The following BRAP variants were observed in gnomAD, a reference collection of about 807,000 sequenced individuals.
BRAP encodes BRCA1-associated protein.
BRAP carries 42 observed loss-of-function variants against 73.4 expected under a neutral mutation model. That is an observed-to-expected ratio of 0.57 (90% CI 0.45 to 0.74). The LOEUF (loss-of-function observed/expected upper bound fraction) is 0.74. Among genes scored for constraint, BRAP ranks in the 30% least tolerant of loss-of-function variants. BRAP has a pLI of 0.00. For missense variants in BRAP, 593 were observed against 751.4 expected (o/e 0.79, Z 2.46); for synonymous variants, 255 against 267.4 (o/e 0.95, Z 0.45).
rs932302131 is a variant in BRAP at position 111,665,877 on chromosome 12, C to G, written c.748-90G>C. ...TTTTTCTGAGACAGGGTCTCGCTCT[C>G]TGTCACCCACGCTGGAGCCCAGTGG... On this transcript the variant is annotated intron_variant, in intron 5 of 11. Coordinates refer to ENST00000419234, the MANE Select transcript of BRAP (RefSeq NM_006768.5). The surrounding 1 kb of genome is among the most constrained non-coding windows in gnomAD (Gnocchi z 4.3). 36 of 1,527,890 alleles carry G rather than the reference C, an allele frequency of 2.4e-5. No homozygotes were observed. The highest frequency in any genetic ancestry group is 3.0e-5 in the Non-Finnish European group (34 of 1,122,716). The allele number at this position is 1,527,890 out of a possible 1,614,324, so 94.6% of individuals were successfully genotyped here. A position where few individuals can be genotyped will look rare whatever the true frequency, so the allele number is the denominator to read the frequency against.
At chr12:111,664,876 T>C (rs373812755) in intron 6 of BRAP, among the ~76,000 whole-genome samples, 2 of 152,206 alleles carry the variant, frequency 1.3e-5, no homozygotes, top group African/African-American at 4.8e-5. Flanking sequence ...TCTCAGGTGG[T>C]CCTGGCTTCA....
chr12:111,646,454 G>A (rs1002908464), intron 11 of BRAP, among the ~76,000 whole-genome samples: 7 of 152,168 alleles, frequency 4.6e-5, no homozygotes, highest in Non-Finnish European at 7.4e-5. Context: ...AAACTCTTTC[G>A]AAGACAACTT....
At chr12:111,647,396 T>C (rs1886146996) in intron 11 of BRAP, among the ~76,000 whole-genome samples, 1 of 152,218 alleles carries the variant, frequency 6.6e-6, no homozygotes, top group African/African-American at 2.4e-5. Flanking sequence ...ACATATTTTA[T>C]CAAAAAGAAT....
chr12:111,645,727 A>C (rs1281785203), intron 11 of BRAP, among the ~76,000 whole-genome samples: 1 of 152,168 alleles, frequency 6.6e-6, no homozygotes, highest in Admixed American at 6.6e-5. Context: ...TTGGAATCCC[A>C]GCACTCTGGG....
At chr12:111,682,477 G>A (rs2135932089) in intron 2 of BRAP, among the ~76,000 whole-genome samples, 1 of 147,648 alleles carries the variant, frequency 6.8e-6, no homozygotes, top group Middle Eastern at 3.5e-3. Flanking sequence ...CTCCCACCTG[G>A]GGACAAAGTG....
chr12:111,667,698 C>CAAAAAA (rs565349424), intron 5 of BRAP, among the ~76,000 whole-genome samples: 11 of 21,284 alleles, frequency 5.2e-4, no homozygotes, highest in Non-Finnish European at 7.5e-4. Context: ...AACTCCGTCT[C>CAAAAAA]AAAAAAAAAA....
At position 111,644,470 on chromosome 12, in the gene BRAP, A is replaced by T; in HGVS notation, c.1508T>A (p.Leu503His). The T allele has an allele frequency of 6.2e-7, 1 of 1,614,078 alleles. No homozygotes were observed. The highest frequency in any genetic ancestry group is 2.2e-5 in the East Asian group (1 of 44,874). ...MNKCLRANQV[L>H]LQNKLKEEER... Reference sequence around the variant, plus strand: ...CTCCTCTTTTAGCTTGTTCTGCAGGAGGACTTGGTTGGCTCGCAAACACTT... The same window carrying T: ...CTCCTCTTTTAGCTTGTTCTGCAGGTGGACTTGGTTGGCTCGCAAACACTT... Residue 503 changes from leucine (L) to histidine (H), a missense_variant, in exon 12 of 12, where the codon CTC (leucine) becomes CAC (histidine). By Grantham distance (99) the Leu-to-His change is moderately conservative. Around this residue, in one of 4 missense-constraint regions of BRAP, gnomAD observed 143 missense variants for 190.4 expected, o/e 0.75. Coordinates refer to ENST00000419234, the MANE Select transcript of BRAP (RefSeq NM_006768.5).
chr12:111,644,343 C>A lies in BRAP; in HGVS notation c.1635G>T (p.Lys545Asn). 6.2e-7 allele frequency: 1 copy of A among 1,614,020 alleles called. No homozygotes were observed. Among genetic ancestry groups the A allele is most frequent in the Non-Finnish European group, 8.5e-7 (1 of 1,180,012 alleles). Residue 545 changes from lysine (K) to asparagine (N), a missense_variant, in exon 12 of 12, where the codon AAG becomes AAT. Physicochemically the swap from Lys to Asn is moderately conservative, Grantham distance 94. Coordinates refer to ENST00000419234, the MANE Select transcript of BRAP (RefSeq NM_006768.5). ...DVMFYLETQQ[K>N]INHLPAETRQ... Reference sequence around the variant, plus strand: ...GGGTCTCGGCAGGCAGATGGTTGATCTTCTGCTGTGTCTCCAGGTAGAACA... The same window carrying A: ...GGGTCTCGGCAGGCAGATGGTTGATATTCTGCTGTGTCTCCAGGTAGAACA...
At chr12:111,666,821 C>T (rs999988301) in intron 5 of BRAP, among the ~76,000 whole-genome samples, 2 of 152,170 alleles carry the variant, frequency 1.3e-5, no homozygotes, top group African/African-American at 4.8e-5. Flanking sequence ...TAGATACTTA[C>T]AGGAAATCTC....
At chr12:111,654,095 A>G (rs780083512) in intron 10 of BRAP, among the ~76,000 whole-genome samples, 6 of 152,160 alleles carry the variant, frequency 3.9e-5, no homozygotes, top group Non-Finnish European at 8.8e-5. Flanking sequence ...CTGCCAATGC[A>G]CTTCCCGTGA....
At chr12:111,680,530 C>T (rs1234251162) in intron 3 of BRAP, among the ~76,000 whole-genome samples, 1 of 114,562 alleles carries the variant, frequency 8.7e-6, no homozygotes, top group Non-Finnish European at 1.6e-5. Flanking sequence ...AACCCCATCT[C>T]TGCCAAAAAA....
At chr12:111,679,629 A>T (rs1339948429) in intron 3 of BRAP, among the ~76,000 whole-genome samples, 1 of 151,956 alleles carries the variant, frequency 6.6e-6, no homozygotes, top group Non-Finnish European at 1.5e-5. Flanking sequence ...TAATCCCAGC[A>T]CTTTGGCAGG....
intron 2 of BRAP, 47 bp from the exon 3 acceptor site, chr12:111,681,882 G>A (rs774023810): frequency 3.3e-6 from 5 of 1,512,518 alleles, no homozygotes; most frequent in East Asian, 2.3e-5. Flanking sequence ...TAGGACATAT[G>A]CTGAAGGATT....
At chr12:111,669,813 T>C in intron 5 of BRAP, 1 of 542,020 alleles carries the variant, frequency 1.8e-6, no homozygotes, top group Non-Finnish European at 3.1e-6. Context: ...TCCTTTTAAG[T>C]TTACACCCAC....
chr12:111,663,689 G>A (rs1886836435), intron 6 of BRAP, among the ~76,000 whole-genome samples: 1 of 152,038 alleles, frequency 6.6e-6, no homozygotes, highest in African/African-American at 2.4e-5. Context: ...ATGTGTTTAT[G>A]TCCAAGTGTA....
chr12:111,672,214 A>G (rs1194727093), intron 5 of BRAP, among the ~76,000 whole-genome samples: 2 of 152,212 alleles, frequency 1.3e-5, no homozygotes, highest in African/African-American at 4.8e-5. Flanking sequence ...CAAAAATAAA[A>G]GGCAGAAACA....
chr12:111,684,268 A>G (rs980197677), intron 1 of BRAP, among the ~76,000 whole-genome samples: 2 of 152,220 alleles, frequency 1.3e-5, no homozygotes, highest in Admixed American at 6.5e-5. Flanking sequence ...AAATGACTAC[A>G]TGACTGACCC....
At position 111,644,120 on chromosome 12, in the gene BRAP, C is replaced by G. The variant is rs1327366550; in HGVS notation, c.*79G>C. 6.6e-7 allele frequency: 1 copy of G among 1,524,836 alleles called. No homozygotes were observed. The highest frequency in any genetic ancestry group is 8.8e-7 in the Non-Finnish European group (1 of 1,141,160). 94.5% of individuals were successfully genotyped at this position (1,524,836 alleles called of 1,614,324 possible). A position where few individuals can be genotyped will look rare whatever the true frequency, so the allele number is the denominator to read the frequency against. The stretch of plus-strand genomic sequence containing the variant: ...TCACTTGTACTTATTAGGGCCCACC[C>G]TCACATTTAGCTGAAGGTCCCAGCA... On this transcript the variant is annotated 3_prime_UTR_variant, in exon 12 of 12. Coordinates refer to ENST00000419234, the MANE Select transcript of BRAP (RefSeq NM_006768.5).
At chr12:111,659,756 C>T (rs1056182975) in intron 7 of BRAP, among the ~76,000 whole-genome samples, 1 of 152,178 alleles carries the variant, frequency 6.6e-6, no homozygotes, top group Non-Finnish European at 1.5e-5. Context: ...GTGGCTCACA[C>T]CTGTAATCCC....
Sources: gnomAD v4.1 joint callset for allele counts (sites outside exome capture counted in the v4.1 genomes callset) on GRCh38, gnomAD v4.1.1 for gene constraint, gnomAD v4.1.1 regional missense constraint, Gnocchi (gnomAD v3.1) non-coding constraint, MANE v1.5 for transcripts, NCBI Gene and HGNC (gene_info 2026-07-23, HGNC 2026-07-21) for gene names.